Variants in SPDYA observed in about 807,000 individuals in gnomAD.
SPDYA encodes speedy/RINGO cell cycle regulator family member A.
Under a neutral mutation model 36.7 loss-of-function variants are expected in SPDYA, and 11 were observed. The ratio of observed to expected loss-of-function variants is 0.30; its 90% CI spans 0.19 to 0.50. The LOEUF is 0.50. Ranked by LOEUF, SPDYA falls within the 20% of genes least tolerant of loss-of-function variation. SPDYA has a pLI of 0.98. For missense variants in SPDYA, 287 were observed against 370.9 expected (o/e 0.77, Z 1.86); for synonymous variants, 115 against 118.7 (o/e 0.97, Z 0.20).
At chr2:28,832,907 C>G (rs764457715) in intron 6 of SPDYA, among the ~76,000 whole-genome samples, 5 of 142,434 alleles carry the variant, frequency 3.5e-5, no homozygotes, top group Non-Finnish European at 7.5e-5. Context: ...GTGGTGAGAT[C>G]ATGGCTCATT....
chr2:28,848,375 T>C (rs1260987056), intron 7 of SPDYA, among the ~76,000 whole-genome samples: 1 of 152,204 alleles, frequency 6.6e-6, no homozygotes, highest in Non-Finnish European at 1.5e-5. Flanking sequence ...ATCTATCCAG[T>C]CTTTTCCACT....
intron 6 of SPDYA, among the ~76,000 whole-genome samples, chr2:28,834,807 T>C (rs545527174): frequency 2.0e-5 from 3 of 152,210 alleles, no homozygotes; most frequent in Non-Finnish European, 2.9e-5. Flanking sequence ...ACTCTGAATA[T>C]ATTGAATATC....
chr2:28,819,747 G>A (rs1166828827), intron 4 of SPDYA, among the ~76,000 whole-genome samples: 2 of 144,532 alleles, frequency 1.4e-5, no homozygotes, highest in Non-Finnish European at 3.0e-5. Flanking sequence ...ACTGTGGAAG[G>A]CCAAGGCGAG....
At chr2:28,832,179 T>C (rs1462584795) in intron 6 of SPDYA, among the ~76,000 whole-genome samples, 1 of 152,214 alleles carries the variant, frequency 6.6e-6, no homozygotes, top group African/African-American at 2.4e-5. Context: ...AAAGTATTTT[T>C]CCTATCATTC....
intron 7 of SPDYA, among the ~76,000 whole-genome samples, chr2:28,846,869 C>T (rs1041611891): frequency 2.0e-5 from 3 of 152,100 alleles, no homozygotes; most frequent in Non-Finnish European, 2.9e-5. Context: ...ACAATGTATT[C>T]TCCATGAAAC....
intron 6 of SPDYA, among the ~76,000 whole-genome samples, chr2:28,830,598 T>A (rs1668457983): frequency 6.6e-6 from 1 of 152,176 alleles, no homozygotes; most frequent in Non-Finnish European, 1.5e-5. Context: ...ATATCTTATT[T>A]AGGATTACAA....
chr2:28,847,979 A>AT (rs1458686686), intron 7 of SPDYA, among the ~76,000 whole-genome samples: 1 of 152,196 alleles, frequency 6.6e-6, no homozygotes, highest in Non-Finnish European at 1.5e-5. Context: ...GCTATACCAT[A>AT]TAACCTAGGT....
In SPDYA at chr2:28,850,124, A is replaced by C. The variant is rs999771711; in HGVS notation, c.*183A>C. On this transcript the variant is annotated 3_prime_UTR_variant, in exon 8 of 8. Transcript: ENST00000334056. ...AATAGCTAAAAATGCCAATCTATGGAAGCAGTGATTTTCAATATAAAGTTC... is the reference window on the plus strand; with the variant it reads ...AATAGCTAAAAATGCCAATCTATGGCAGCAGTGATTTTCAATATAAAGTTC... The C allele has an allele frequency of 7.2e-7, 1 of 1,393,304 alleles. No individual in the cohort carries two copies. The highest frequency in any genetic ancestry group is 1.0e-6 in the Non-Finnish European group (1 of 997,174). The allele number at this position is 1,393,304 out of a possible 1,614,324, so 86.3% of individuals were successfully genotyped here.
intron 6 of SPDYA, among the ~76,000 whole-genome samples, chr2:28,838,506 T>C (rs917292355): frequency 6.6e-5 from 10 of 152,136 alleles, no homozygotes; most frequent in Non-Finnish European, 1.2e-4. Flanking sequence ...GATGAAAATC[T>C]AGCTCTCTTG....
Position 28,819,849 on chromosome 2 carries a change from AATATATATATATATAT to A in SPDYA, c.294+782_294+797del, listed in dbSNP as rs200009876. 8.3e-3 allele frequency among the ~76,000 whole-genome samples: 147 copies of A among 17,782 alleles called. 1 individual carries two copies. Among genetic ancestry groups the A allele is most frequent in the East Asian group, 0.05 (16 of 320 alleles). 11.7% of individuals were successfully genotyped at this position (17,782 alleles called of 152,430 possible). A position where few individuals can be genotyped will look rare whatever the true frequency, so the allele number is the denominator to read the frequency against. ...AAAAAAAAAAAAAAAAAAAAAAAAA[AATATATATATATATAT>A]ATATATATATATATATATATATATA... On this transcript the variant is annotated intron_variant, in intron 4 of 7. Transcript: ENST00000334056.
At chr2:28,824,553 C>CTTTTTTTTTTTCTTTCT (rs780274293) in intron 5 of SPDYA, among the ~76,000 whole-genome samples, 2 of 133,298 alleles carry the variant, frequency 1.5e-5, no homozygotes, top group Non-Finnish European at 3.2e-5. Context: ...TTCTTTCTTT[C>CTTTTTTTTTTTCTTTCT]TTTTTTTTTT....
rs2148081958 is a variant in SPDYA at position 28,822,384 on chromosome 2, T to C, written c.354T>C (p.His118=). The change falls in exon 5 of 8, where the codon CAT becomes CAC. Residue 118 remains histidine (H), a synonymous_variant. Transcript: ENST00000334056. ...FKRAKFTISE[H]TRINFFIALY... is the part of the protein sequence containing the mutation. ...GGGCTAAATTTACTATAAGTGAGCA[T>C]ACCAGGATAAATTTCTTTATTGCTC... is the stretch of plus-strand genomic sequence containing the variant. The C allele has an allele frequency of 6.4e-7, 1 of 1,572,148 alleles. No individual in the cohort carries two copies. The highest frequency in any genetic ancestry group is 1.4e-5 in the African/African-American group (1 of 73,478).
Position 28,816,181 on chromosome 2 carries a change from C to G in SPDYA, c.167C>G (p.Ser56Cys). Residue 56 changes from serine to cysteine, a missense_variant, in exon 3 of 8, where the codon TCT (serine) becomes TGT (cysteine). Transcript: ENST00000334056. ...FEKNTHNNNK[S>C]KRPKGPCLVI... ...AAAAATACACATAATAACAACAAATCTAAACGCCCCAAAGGACCTTGTCTG... is the reference window on the plus strand; with the variant it reads ...AAAAATACACATAATAACAACAAATGTAAACGCCCCAAAGGACCTTGTCTG... The G allele has an allele frequency of 6.2e-7, 1 of 1,614,008 alleles. No homozygotes were observed. Among genetic ancestry groups the G allele is most frequent in the Non-Finnish European group, 8.5e-7 (1 of 1,179,964 alleles).
At chr2:28,833,330 A>G (rs1162229192) in intron 6 of SPDYA, among the ~76,000 whole-genome samples, 1 of 151,746 alleles carries the variant, frequency 6.6e-6, no homozygotes, top group Non-Finnish European at 1.5e-5. Flanking sequence ...TTGCTCTTCC[A>G]CTCAAGCTAC....
intron 7 of SPDYA, among the ~76,000 whole-genome samples, chr2:28,844,939 G>GA (rs950649961): frequency 1.3e-5 from 2 of 151,832 alleles, no homozygotes; most frequent in Non-Finnish European, 2.9e-5. Flanking sequence ...TCTCAAAAAA[G>GA]AAAAAAATAA....
chr2:28,833,664 C>T (rs1668526368), intron 6 of SPDYA, among the ~76,000 whole-genome samples: 1 of 152,122 alleles, frequency 6.6e-6, no homozygotes, highest in Non-Finnish European at 1.5e-5. Flanking sequence ...TGGATATCTA[C>T]AAGCAAAAGA....
intron 7 of SPDYA, among the ~76,000 whole-genome samples, chr2:28,849,244 GAAT>G (rs1668970346): frequency 6.6e-6 from 1 of 152,142 alleles, no homozygotes; most frequent in South Asian, 2.1e-4. Flanking sequence ...TGGTGCCTAT[GAAT>G]AATAAGTCCC....
chr2:28,818,779 G>C (rs1347520153), intron 3 of SPDYA, among the ~76,000 whole-genome samples: 6 of 152,308 alleles, frequency 3.9e-5, no homozygotes, highest in Non-Finnish European at 8.8e-5. Context: ...TGGATATTCA[G>C]TAAACCAAAC....
chr2:28,831,157 G>C (rs897721734), intron 6 of SPDYA, among the ~76,000 whole-genome samples: 1 of 152,120 alleles, frequency 6.6e-6, no homozygotes, highest in East Asian at 1.9e-4. Flanking sequence ...AAGAGTTCAA[G>C]ACCATCCTGG....
Sources: gnomAD v4.1 joint callset for allele counts (sites outside exome capture counted in the v4.1 genomes callset) on GRCh38, gnomAD v4.1.1 for gene constraint, MANE v1.5 for transcripts, NCBI Gene and HGNC (gene_info 2026-07-23, HGNC 2026-07-21) for gene names.